The following PEBP4 variants were observed in gnomAD, a reference collection of about 807,000 sequenced individuals.
The protein encoded by PEBP4 is phosphatidylethanolamine binding protein 4, also known as phosphatidylethanolamine-binding protein 4.
A neutral mutation model predicts 23.9 loss-of-function variants in PEBP4; 22 were observed. The ratio of observed to expected loss-of-function variants is 0.92; its 90% CI spans 0.66 to 1.31. The LOEUF is 1.31. PEBP4 is among the 40% of genes most tolerant of loss of function. The pLI is 0.00. For missense variants in PEBP4, 324 were observed against 281.7 expected (o/e 1.15, Z -1.07); for synonymous variants, 112 against 99.3 (o/e 1.13, Z -0.76).
At chr8:22,763,414 C>G (rs532072250) in intron 4 of PEBP4, among the ~76,000 whole-genome samples, 1 of 152,338 alleles carries the variant, frequency 6.6e-6, no homozygotes, top group Non-Finnish European at 1.5e-5. Context: ...TCCCCGACAG[C>G]GGTCAGATCA....
chr8:22,806,500 A>C (rs1169979296), intron 4 of PEBP4, among the ~76,000 whole-genome samples: 1 of 151,922 alleles, frequency 6.6e-6, no homozygotes, highest in African/African-American at 2.4e-5. Context: ...ATGTAATCCC[A>C]GCTACTCAGG....
intron 4 of PEBP4, among the ~76,000 whole-genome samples, chr8:22,761,482 C>A (rs1308208974): frequency 1.3e-5 from 2 of 152,200 alleles, no homozygotes; most frequent in Non-Finnish European, 2.9e-5. Context: ...ATCCCTCTGG[C>A]CTGTCGGAGC....
At chr8:22,837,530 C>G (rs1369420686) in intron 3 of PEBP4, among the ~76,000 whole-genome samples, 1 of 152,200 alleles carries the variant, frequency 6.6e-6, no homozygotes, top group African/African-American at 2.4e-5. Context: ...ACTTCATAAC[C>G]TGGCATCTGT....
chr8:22,813,726 G>A (rs1224726615), intron 4 of PEBP4, among the ~76,000 whole-genome samples: 6 of 152,176 alleles, frequency 3.9e-5, no homozygotes, highest in Admixed American at 2.6e-4. Context: ...GTTAGAAATC[G>A]CTCTTGCTCA....
chr8:22,733,788 GGGTTTGGGGA>G (rs1804788623), intron 4 of PEBP4, among the ~76,000 whole-genome samples: 1 of 126,530 alleles, frequency 7.9e-6, no homozygotes, highest in African/African-American at 2.8e-5. Context: ...TGGGGATGGG[GGGTTTGGGGA>G]GGGTGGGGAT....
chr8:22,835,946 T>G (rs1807197592), intron 3 of PEBP4, among the ~76,000 whole-genome samples: 1 of 152,256 alleles, frequency 6.6e-6, no homozygotes, highest in Admixed American at 6.5e-5. Flanking sequence ...TGGCTCACAG[T>G]TACTGAGGGA....
At chr8:22,851,582 G>A (rs1042061668) in intron 3 of PEBP4, among the ~76,000 whole-genome samples, 5 of 152,136 alleles carry the variant, frequency 3.3e-5, no homozygotes, top group African/African-American at 1.2e-4. Flanking sequence ...TCATGTTGCG[G>A]TGCTCTCCCA....
intron 2 of PEBP4, among the ~76,000 whole-genome samples, chr8:22,925,748 CCTT>C (rs578112905): frequency 8.2e-4 from 125 of 152,284 alleles, no homozygotes; most frequent in Non-Finnish European, 1.6e-3. Context: ...CTGAGGTCCT[CCTT>C]AAGGGGCCCT....
At chr8:22,851,896 C>T (rs1807559472) in intron 3 of PEBP4, among the ~76,000 whole-genome samples, 1 of 152,162 alleles carries the variant, frequency 6.6e-6, no homozygotes, top group Non-Finnish European at 1.5e-5. Context: ...TGATCATTTA[C>T]TCCGAGCACC....
At chr8:22,717,627 C>A (rs1380425247) in intron 6 of PEBP4, among the ~76,000 whole-genome samples, 1 of 152,168 alleles carries the variant, frequency 6.6e-6, no homozygotes, top group Non-Finnish European at 1.5e-5. Context: ...AGCCTCTTGT[C>A]CCAGGGCGGT....
Position 22,921,630 on chromosome 8 carries a change from C to G in PEBP4, c.132-1320G>C, listed in dbSNP as rs1001350461. On this transcript the variant is annotated intron_variant, in intron 2 of 6. Coordinates refer to ENST00000256404, the MANE Select transcript of PEBP4 (RefSeq NM_144962.3). Reference sequence around the variant, plus strand: ...GGACACTTCGGTGGGCCAGCGCCCCCAGTGCCAGAAGTCACATGCTCTGGT... The same window carrying G: ...GGACACTTCGGTGGGCCAGCGCCCCGAGTGCCAGAAGTCACATGCTCTGGT... Among the ~76,000 whole-genome samples, 11 of 152,358 alleles carry G rather than the reference C, an allele frequency of 7.2e-5. No homozygotes were observed. The South Asian group carries it at 1.9e-3, about 26-fold the overall frequency.
At chr8:22,923,502 G>A (rs934604879) in intron 2 of PEBP4, among the ~76,000 whole-genome samples, 1 of 152,066 alleles carries the variant, frequency 6.6e-6, no homozygotes, top group Non-Finnish European at 1.5e-5. Flanking sequence ...GGGAGGTCAA[G>A]GTTGCAGTGA....
At chr8:22,756,218 A>G (rs1805378296) in intron 4 of PEBP4, among the ~76,000 whole-genome samples, 1 of 152,124 alleles carries the variant, frequency 6.6e-6, no homozygotes, top group Non-Finnish European at 1.5e-5. Context: ...CAGGAGCTGA[A>G]CAGCTGGCGC....
intron 4 of PEBP4, among the ~76,000 whole-genome samples, chr8:22,778,873 C>T (rs150898424): frequency 0.012 from 1,860 of 152,240 alleles, 36 homozygotes; most frequent in African/African-American, 0.042. Flanking sequence ...TTTAGTGCCC[C>T]GCACAGTCAG....
chr8:22,940,084 G>A (rs1006333), intron 1 of PEBP4, among the ~76,000 whole-genome samples: 36,006 of 152,230 alleles, frequency 0.24, 4,926 homozygotes, highest in East Asian at 0.43. Flanking sequence ...TGGTGGAGGT[G>A]AGAATTGAAC....
At chr8:22,764,106 C>G (rs1805563172) in intron 4 of PEBP4, among the ~76,000 whole-genome samples, 1 of 152,134 alleles carries the variant, frequency 6.6e-6, no homozygotes, top group Non-Finnish European at 1.5e-5. Context: ...AAGAAATTTA[C>G]CAAGGATGAA....
At chr8:22,834,173 G>A (rs995594446) in intron 3 of PEBP4, among the ~76,000 whole-genome samples, 5 of 152,236 alleles carry the variant, frequency 3.3e-5, no homozygotes, top group Admixed American at 1.3e-4. Context: ...TCGTGATGAT[G>A]TTGGTTGCCA....
intron 3 of PEBP4, among the ~76,000 whole-genome samples, chr8:22,830,893 A>AT (rs1563230618): frequency 1.3e-5 from 2 of 152,148 alleles, no homozygotes; most frequent in South Asian, 4.1e-4. Context: ...GATCCAAAGT[A>AT]TTTTTTTCCA....
chr8:22,772,243 G>T (rs1306852060), intron 4 of PEBP4, among the ~76,000 whole-genome samples: 1 of 152,200 alleles, frequency 6.6e-6, no homozygotes, highest in African/African-American at 2.4e-5. Context: ...CTTCTCCAGG[G>T]TTGTCTAGCT....
Sources: gnomAD v4.1 joint callset for allele counts (sites outside exome capture counted in the v4.1 genomes callset) on GRCh38, gnomAD v4.1.1 for gene constraint, MANE v1.5 for transcripts, NCBI Gene and HGNC (gene_info 2026-07-23, HGNC 2026-07-21) for gene names.